Variants in SIPA1L2 observed in about 807,000 individuals in gnomAD.
The protein encoded by SIPA1L2 is signal-induced proliferation-associated 1-like protein 2.
Under a neutral mutation model 163.9 loss-of-function variants are expected in SIPA1L2, and 56 were observed. The ratio of observed to expected loss-of-function variants is 0.34; its 90% CI spans 0.28 to 0.43. The LOEUF is 0.43. Among genes scored for constraint, SIPA1L2 ranks in the 20% least tolerant of loss-of-function variants. SIPA1L2 has a pLI of 1.00. For missense variants in SIPA1L2, 1,974 were observed against 2,193.5 expected (o/e 0.90, Z 2.00); for synonymous variants, 877 against 865.7 (o/e 1.01, Z -0.23).
At chr1:232,484,767 G>C (rs1213429686) in intron 5 of SIPA1L2, among the ~76,000 whole-genome samples, 1 of 152,130 alleles carries the variant, frequency 6.6e-6, no homozygotes, top group African/African-American at 2.4e-5. Context: ...CCCCCAAAGA[G>C]GAACTGCTTC....
chr1:232,487,935 C>A lies in SIPA1L2; in HGVS notation c.1806+2939G>T, dbSNP rs569279366. On this transcript the variant is annotated intron_variant, in intron 5 of 22. Transcript: ENST00000674635. ...TAATTAGGTTACACACACACACACACACACACACACACACACACACGCACA... is the reference window on the plus strand; with the variant it reads ...TAATTAGGTTACACACACACACACAAACACACACACACACACACACGCACA... 9.9e-5 allele frequency among the ~76,000 whole-genome samples: 15 copies of A among 151,640 alleles called. No homozygotes were observed. In the South Asian group the frequency reaches 3.1e-3, roughly 32 times the overall value.
chr1:232,415,965 C>G, intron 18 of SIPA1L2: 1 of 241,558 alleles, frequency 4.1e-6, no homozygotes, highest in South Asian at 3.4e-5. Flanking sequence ...TCAGTCAGAA[C>G]ACGGGCACCA....
chr1:232,484,074 G>T, intron 5 of SIPA1L2, 108 bp from the exon 6 acceptor site: 1 of 1,035,332 alleles, frequency 9.7e-7, no homozygotes, highest in Non-Finnish European at 1.4e-6. Context: ...AAGCATGCCA[G>T]AACAATTCCC....
At chr1:232,624,039 C>T (rs1662948383) in intron 1 of SIPA1L2, among the ~76,000 whole-genome samples, 1 of 151,790 alleles carries the variant, frequency 6.6e-6, no homozygotes, top group African/African-American at 2.4e-5. Context: ...GTTTTATGTC[C>T]ATAATATCTT....
chr1:232,465,511 T>TATACATACACACACAC lies in SIPA1L2; in HGVS notation c.2244-111_2244-96dup. The TATACATACACACACAC allele has an allele frequency of 1.1e-6, 1 of 900,260 alleles. No homozygotes were observed. The highest frequency in any genetic ancestry group is 1.7e-6 in the Non-Finnish European group (1 of 589,920). The allele number at this position is 900,260 out of a possible 1,614,324, so 55.8% of individuals were successfully genotyped here. Reference sequence around the variant, plus strand: ...ACATATATATACACACACACACACATATACATACACACACACACACACATA... The same window carrying TATACATACACACACAC: ...ACATATATATACACACACACACACATATACATACACACACACATACATACACACACACACACACATA... On this transcript the variant is annotated intron_variant, in intron 8 of 22. Transcript: ENST00000674635. The surrounding 1 kb of genome is among the most constrained non-coding windows in gnomAD (Gnocchi z 4.1).
chr1:232,581,370 C>T (rs529850982), intron 1 of SIPA1L2, among the ~76,000 whole-genome samples: 4 of 152,244 alleles, frequency 2.6e-5, no homozygotes, highest in African/African-American at 9.6e-5. Context: ...AGGGTGTGGG[C>T]TGCAGCCGCT....
intron 2 of SIPA1L2, among the ~76,000 whole-genome samples, chr1:232,527,362 T>C (rs572794911): frequency 1.3e-5 from 2 of 152,286 alleles, no homozygotes; most frequent in East Asian, 3.9e-4. Context: ...CTAGGATCAA[T>C]CCTCAAGAAA....
rs763672978 is a variant in SIPA1L2, at chr1:232,514,289, C to T, written c.1051G>A (p.Val351Met). The change falls in exon 3 of 23, where the codon GTG becomes ATG. Residue 351 changes from valine (V) to methionine (M), a missense_variant. Val to Met is a conservative substitution (Grantham distance 21, BLOSUM62 1). This residue lies in a region of SIPA1L2 where 607 missense variants were observed against 624.0 expected (regional missense o/e 0.97). Transcript: ENST00000674635. The part of the protein sequence containing the change: ...INEAMATRAN[V>M]GKRKNITTGA... ...GTGGTTATGTTTTTCCTTTTCCCCACATTAGCCCTCGTAGCCATGGCTTCG... is the reference window on the plus strand; with the variant it reads ...GTGGTTATGTTTTTCCTTTTCCCCATATTAGCCCTCGTAGCCATGGCTTCG... The T allele has an allele frequency of 6.2e-7, 1 of 1,613,884 alleles. No homozygotes were observed. Among genetic ancestry groups the T allele is most frequent in the Admixed American group, 1.7e-5 (1 of 60,032 alleles).
chr1:232,483,695 CG>C (rs1370213841), intron 6 of SIPA1L2, 96 bp downstream of exon 6: 2 of 1,369,282 alleles, frequency 1.5e-6, no homozygotes, highest in African/African-American at 2.9e-5. Context: ...CTTCTGGGGC[CG>C]GGAACAGGAG....
chr1:232,619,708 T>C (rs1372048772), intron 1 of SIPA1L2, among the ~76,000 whole-genome samples: 1 of 152,162 alleles, frequency 6.6e-6, no homozygotes, highest in Non-Finnish European at 1.5e-5. Context: ...TTGGAAATCT[T>C]AGAATGCCAG....
intron 1 of SIPA1L2, among the ~76,000 whole-genome samples, 88 bp from the exon 2 acceptor site, chr1:232,574,310 TC>T (rs959461022): frequency 6.6e-6 from 1 of 152,140 alleles, no homozygotes; most frequent in African/African-American, 2.4e-5. Flanking sequence ...TCCCCAGGGG[TC>T]CACAGGGTCA....
rs1031863865 is a variant in SIPA1L2 at position 232,462,247 on chromosome 1, G to A, written c.2821-1086C>T. The A allele has an allele frequency of 2.9e-5, 45 of 1,550,724 alleles. No individual in the cohort carries two copies. In the Admixed American group the frequency reaches 6.9e-4, roughly 24 times the overall value. On this transcript the variant is annotated intron_variant, in intron 9 of 22. Transcript: ENST00000674635. ...AACATGGGCTCATTAAGTATCACCCGATGACTATGACCTCACCTATCTGTG... is the reference window on the plus strand; with the variant it reads ...AACATGGGCTCATTAAGTATCACCCAATGACTATGACCTCACCTATCTGTG...
intron 2 of SIPA1L2, among the ~76,000 whole-genome samples, chr1:232,534,783 C>T (rs1657201952): frequency 6.6e-6 from 1 of 152,182 alleles, no homozygotes; most frequent in African/African-American, 2.4e-5. Flanking sequence ...TCTGGGGAGA[C>T]TCATCATTCC....
intron 3 of SIPA1L2, among the ~76,000 whole-genome samples, chr1:232,512,628 CAA>C (rs1667030917): frequency 6.6e-6 from 1 of 152,024 alleles, no homozygotes; most frequent in African/African-American, 2.4e-5. Flanking sequence ...AACAGAAAAC[CAA>C]ACGCTGCATG....
intron 1 of SIPA1L2, among the ~76,000 whole-genome samples, chr1:232,625,676 G>C (rs929909846): frequency 2.6e-5 from 4 of 152,140 alleles, no homozygotes; most frequent in South Asian, 2.1e-4. Flanking sequence ...GTTACACCAA[G>C]AGCCCAACTC....
At chr1:232,447,934 C>CT (rs1186011192) in intron 10 of SIPA1L2, among the ~76,000 whole-genome samples, 1 of 152,114 alleles carries the variant, frequency 6.6e-6, no homozygotes, top group Non-Finnish European at 1.5e-5. Flanking sequence ...TTACAAATCA[C>CT]TTTTTTATTG....
At chr1:232,602,966 T>A (rs1661682810) in intron 1 of SIPA1L2, among the ~76,000 whole-genome samples, 1 of 152,214 alleles carries the variant, frequency 6.6e-6, no homozygotes, top group South Asian at 2.1e-4. Flanking sequence ...GCTAGAAAGC[T>A]ATTTCAAAAT....
At chr1:232,560,298 A>G (rs934419038) in intron 2 of SIPA1L2, among the ~76,000 whole-genome samples, 8 of 152,250 alleles carry the variant, frequency 5.3e-5, no homozygotes, top group Non-Finnish European at 1.2e-4. Flanking sequence ...ACACCAAAAC[A>G]TTAGTAAGAA....
chr1:232,604,243 T>C (rs1661768580), intron 1 of SIPA1L2, among the ~76,000 whole-genome samples: 1 of 152,188 alleles, frequency 6.6e-6, no homozygotes, highest in African/African-American at 2.4e-5. Context: ...AGAATATTCA[T>C]CATTGAATAC....
Sources: gnomAD v4.1 joint callset for allele counts (sites outside exome capture counted in the v4.1 genomes callset) on GRCh38, gnomAD v4.1.1 for gene constraint, gnomAD v4.1.1 regional missense constraint, Gnocchi (gnomAD v3.1) non-coding constraint, MANE v1.5 for transcripts, NCBI Gene and HGNC (gene_info 2026-07-23, HGNC 2026-07-21) for gene names.